RBFOX1: variants seen among roughly 807,000 people sequenced by gnomAD.
RBFOX1 encodes the protein RNA binding protein fox-1 homolog 1.
In RBFOX1, 8 loss-of-function variants were observed where a neutral mutation model predicts 57.7. The observed-to-expected ratio is 0.14, with a 90% CI of 0.08 to 0.25. The LOEUF (loss-of-function observed/expected upper bound fraction) is 0.25, where lower values mean the gene tolerates loss of function less well. Ranked by LOEUF, RBFOX1 falls within the 10% of genes least tolerant of loss-of-function variation. The pLI is 1.00. For synonymous variants in RBFOX1, 326 were observed against 222.4 expected (o/e 1.47, Z -4.15); for missense variants, 611 against 548.5 (o/e 1.11, Z -1.14).
chr16:5,426,621 C>T (rs896754577), intron 1 of RBFOX1, among the ~76,000 whole-genome samples: 3 of 152,176 alleles, frequency 2.0e-5, no homozygotes, highest in Admixed American at 2.0e-4. Context: ...AGCACTTAAT[C>T]CGGAGCCATC....
At chr16:6,638,767 C>G (rs1327504960) in intron 2 of RBFOX1, among the ~76,000 whole-genome samples, 4 of 152,152 alleles carry the variant, frequency 2.6e-5, no homozygotes, top group African/African-American at 9.7e-5. Context: ...TATTGTAACT[C>G]CATGCTGGTT....
intron 3 of RBFOX1, among the ~76,000 whole-genome samples, chr16:6,903,644 G>T (rs1168307372): frequency 6.6e-6 from 1 of 152,092 alleles, no homozygotes; most frequent in Non-Finnish European, 1.5e-5. Flanking sequence ...ACTGTCCTTT[G>T]GATAAGCAGG....
chr16:7,213,332 C>T (rs1163515016), intron 4 of RBFOX1, among the ~76,000 whole-genome samples: 1 of 152,106 alleles, frequency 6.6e-6, no homozygotes, highest in Non-Finnish European at 1.5e-5. Context: ...AAGCCCAAAC[C>T]AATTAAAGAT....
At chr16:6,799,487 C>T (rs1354581787) in intron 3 of RBFOX1, among the ~76,000 whole-genome samples, 1 of 152,070 alleles carries the variant, frequency 6.6e-6, no homozygotes. Flanking sequence ...TAGGTGTTAA[C>T]TTGATTGGAT....
intron 1 of RBFOX1, among the ~76,000 whole-genome samples, chr16:5,396,197 A>C (rs143874561): frequency 2.2e-4 from 33 of 152,354 alleles, no homozygotes; most frequent in African/African-American, 7.5e-4. Flanking sequence ...TCCTCTTTGC[A>C]ATGGTTACGT....
chr16:5,278,732 T>G (rs1025492002), intron 1 of RBFOX1, among the ~76,000 whole-genome samples: 2 of 152,270 alleles, frequency 1.3e-5, no homozygotes, highest in African/African-American at 4.8e-5. Flanking sequence ...CTGTTACGTT[T>G]AAGTCTTTAA....
intron 4 of RBFOX1, among the ~76,000 whole-genome samples, chr16:7,201,291 A>AG (rs2088360652): frequency 6.6e-6 from 1 of 152,172 alleles, no homozygotes; most frequent in Non-Finnish European, 1.5e-5. Context: ...ACGGAGAGCC[A>AG]GGTAGTAGAA....
rs572442951 is a variant in RBFOX1 at position 6,661,753 on chromosome 16, A to T, written c.-16+7103A>T. Among the ~76,000 whole-genome samples the T allele has an allele frequency of 8.4e-4, 128 of 152,290 alleles. 1 individual carries two copies. The highest frequency in any genetic ancestry group is 1.5e-3 in the Non-Finnish European group (100 of 68,020). On this transcript the variant is annotated intron_variant, in intron 3 of 15. Transcript: ENST00000550418. The stretch of plus-strand genomic sequence containing the variant: ...AGGGCTGGGTTGCCCCTTCCTTGTG[A>T]TGTGTGACAGAATGAACATGGGAAT...
At chr16:7,391,084 G>C (rs563850256) in intron 4 of RBFOX1, among the ~76,000 whole-genome samples, 86 of 152,174 alleles carry the variant, frequency 5.7e-4, no homozygotes, top group African/African-American at 9.6e-4. Flanking sequence ...TAAGAACATA[G>C]CTCTTATCCT....
At chr16:6,173,604 C>CTTTTTTTTTTTTTTTTTTTTTTTTTTT (rs35528338) in intron 1 of RBFOX1, among the ~76,000 whole-genome samples, 1 of 70,950 alleles carries the variant, frequency 1.4e-5, no homozygotes, top group African/African-American at 5.9e-5. Flanking sequence ...TGACCACTCC[C>CTTTTTTTTTTTTTTTTTTTTTTTTTTT]TTTTTTTTTT....
intron 3 of RBFOX1, among the ~76,000 whole-genome samples, chr16:6,882,762 C>T (rs1156238657): frequency 6.6e-6 from 1 of 152,014 alleles, no homozygotes; most frequent in Non-Finnish European, 1.5e-5. Flanking sequence ...CTTACCAAGC[C>T]AGAAACGCAA....
chr16:6,085,564 C>A (rs6500753), intron 1 of RBFOX1, among the ~76,000 whole-genome samples: 4 of 152,032 alleles, frequency 2.6e-5, no homozygotes, highest in African/African-American at 7.2e-5. Context: ...CCACTGTGCC[C>A]GACCCTCACA....
At chr16:6,303,805 CTTTTTTT>C (rs1177185329) in intron 1 of RBFOX1, among the ~76,000 whole-genome samples, 1 of 70,402 alleles carries the variant, frequency 1.4e-5, no homozygotes, top group African/African-American at 5.7e-5. Context: ...GAAACCCTGT[CTTTTTTT>C]TTTTTTTTTT....
intron 5 of RBFOX1, among the ~76,000 whole-genome samples, chr16:7,579,088 AAATGCAGCT>A (rs2093554977): frequency 6.6e-6 from 1 of 152,222 alleles, no homozygotes; most frequent in Non-Finnish European, 1.5e-5. Flanking sequence ...TGAGCGCTTG[AAATGCAGCT>A]AATGCAAACA....
chr16:6,741,347 G>C (rs12597770), intron 3 of RBFOX1, among the ~76,000 whole-genome samples: 6,229 of 151,968 alleles, frequency 0.041, 284 homozygotes, highest in East Asian at 0.2. Flanking sequence ...GTCTATAAAA[G>C]AAAAAAATGA....
intron 1 of RBFOX1, among the ~76,000 whole-genome samples, chr16:5,243,394 T>G (rs548789794): frequency 1.3e-5 from 2 of 152,316 alleles, no homozygotes; most frequent in East Asian, 3.9e-4. Flanking sequence ...CTGGGGCTCC[T>G]GTAGAGGAGC....
chr16:6,556,002 T>C (rs1269718631), intron 2 of RBFOX1, among the ~76,000 whole-genome samples: 2 of 152,192 alleles, frequency 1.3e-5, no homozygotes, highest in Admixed American at 6.5e-5. Context: ...CTACATTTTT[T>C]TGTCCTTGGT....
chr16:7,548,348 G>C (rs1177742762), intron 5 of RBFOX1, among the ~76,000 whole-genome samples: 1 of 152,116 alleles, frequency 6.6e-6, no homozygotes, highest in Non-Finnish European at 1.5e-5. Flanking sequence ...GTAGAGACAG[G>C]GTTTCACCAT....
chr16:7,296,831 T>C (rs1305140392), intron 4 of RBFOX1, among the ~76,000 whole-genome samples: 1 of 152,168 alleles, frequency 6.6e-6, no homozygotes, highest in East Asian at 1.9e-4. Flanking sequence ...AGCAGTTCTA[T>C]TCCTCTACTT....
Sources: gnomAD v4.1 joint callset for allele counts (sites outside exome capture counted in the v4.1 genomes callset) on GRCh38, gnomAD v4.1.1 for gene constraint, MANE v1.5 for transcripts, NCBI Gene and HGNC (gene_info 2026-07-23, HGNC 2026-07-21) for gene names.